Variants in RBFOX1 observed in about 807,000 individuals in gnomAD.
The protein encoded by RBFOX1 is RNA binding fox-1 homolog 1.
RBFOX1 carries 8 observed loss-of-function variants against 57.7 expected under a neutral mutation model. The observed-to-expected ratio is 0.14, with a 90% CI of 0.08 to 0.25. RBFOX1 has a LOEUF of 0.25. Among genes scored for constraint, RBFOX1 ranks in the 10% least tolerant of loss-of-function variants. The probability of loss-of-function intolerance (pLI) is 1.00; values close to 1 mark genes in which losing one functional copy is unlikely to be tolerated. For missense variants in RBFOX1, 611 were observed against 548.5 expected (o/e 1.11, Z -1.14); for synonymous variants, 326 against 222.4 (o/e 1.47, Z -4.15).
chr16:6,774,236 T>C (rs1301042783), intron 3 of RBFOX1, among the ~76,000 whole-genome samples: 1 of 152,130 alleles, frequency 6.6e-6, no homozygotes, highest in Admixed American at 6.5e-5. Context: ...TTGTCTACAT[T>C]TGAAAGGAAG....
chr16:5,437,356 A>G (rs1437336498), intron 1 of RBFOX1, among the ~76,000 whole-genome samples: 8 of 152,170 alleles, frequency 5.3e-5, no homozygotes, highest in Non-Finnish European at 1.2e-4. Context: ...TCTTTTGGGA[A>G]ACAATTTGGT....
chr16:6,322,179 G>T (rs1008536908), intron 2 of RBFOX1, among the ~76,000 whole-genome samples: 1 of 152,084 alleles, frequency 6.6e-6, no homozygotes, highest in Non-Finnish European at 1.5e-5. Flanking sequence ...TCTTACTTAC[G>T]TATCTGGGAA....
chr16:6,866,908 T>A (rs1301984400), intron 3 of RBFOX1, among the ~76,000 whole-genome samples: 2 of 151,904 alleles, frequency 1.3e-5, no homozygotes, highest in Non-Finnish European at 2.9e-5. Flanking sequence ...AGCATCAAGA[T>A]AAGGAAACCA....
chr16:5,252,048 T>G (rs1488922877), intron 1 of RBFOX1, among the ~76,000 whole-genome samples: 1 of 152,160 alleles, frequency 6.6e-6, no homozygotes, highest in African/African-American at 2.4e-5. Context: ...GCTGGGGAAG[T>G]GCAGGTCAGC....
In RBFOX1 at chr16:6,905,314, G is replaced by T. The variant is rs149009926; in HGVS notation, c.-15-146743G>T. ...CATTCCTGTAATCCTAGAACTTTGG[G>T]AGGCAGAGGCAGGTGGATCCCCTGA... is the stretch of plus-strand genomic sequence containing the variant. On this transcript the variant is annotated intron_variant, in intron 3 of 15. Transcript: ENST00000550418. Among the ~76,000 whole-genome samples, 484 of 152,130 alleles carry T rather than the reference G, an allele frequency of 3.2e-3. 4 individuals carry two copies. The highest frequency in any genetic ancestry group is 0.011 in the African/African-American group (459 of 41,496).
chr16:6,743,780 A>G (rs1207850105), intron 3 of RBFOX1, among the ~76,000 whole-genome samples: 2 of 146,800 alleles, frequency 1.4e-5, no homozygotes, highest in East Asian at 3.9e-4. Context: ...GAAGAAAAAT[A>G]AATAAATAAA....
intron 3 of RBFOX1, among the ~76,000 whole-genome samples, chr16:6,929,458 G>A (rs541799976): frequency 6.6e-6 from 1 of 152,234 alleles, no homozygotes; most frequent in African/African-American, 2.4e-5. Flanking sequence ...TCAGAAGCGT[G>A]CTTTTCTGTA....
chr16:7,563,020 C>T (rs963965857), intron 5 of RBFOX1, among the ~76,000 whole-genome samples: 1 of 152,158 alleles, frequency 6.6e-6, no homozygotes, highest in African/African-American at 2.4e-5. Context: ...CTCTAAGCCA[C>T]TGTGCCACAC....
chr16:6,562,990 A>G (rs984226813), intron 2 of RBFOX1, among the ~76,000 whole-genome samples: 16 of 145,382 alleles, frequency 1.1e-4, no homozygotes, highest in Non-Finnish European at 2.2e-4. Context: ...TGTACCTTCC[A>G]TGAAGCTTAC....
At chr16:6,605,263 C>CAT (rs1412685298) in intron 2 of RBFOX1, among the ~76,000 whole-genome samples, 1 of 132,056 alleles carries the variant, frequency 7.6e-6, no homozygotes, top group African/African-American at 3.3e-5. Context: ...ATGAAACCAA[C>CAT]ACATACAATT....
chr16:6,992,068 C>T (rs892564582), intron 3 of RBFOX1, among the ~76,000 whole-genome samples: 3 of 152,106 alleles, frequency 2.0e-5, no homozygotes, highest in Non-Finnish European at 4.4e-5. Flanking sequence ...ATTGGCCTGT[C>T]TTTGCCAGAG....
chr16:5,781,981 G>A (rs767683610), intron 3 of RBFOX1, among the ~76,000 whole-genome samples: 48 of 152,268 alleles, frequency 3.2e-4, no homozygotes, highest in Middle Eastern at 3.4e-3. Flanking sequence ...CGAGGTGGGC[G>A]GATTACTTGA....
At chr16:6,637,632 A>G (rs544441130) in intron 2 of RBFOX1, among the ~76,000 whole-genome samples, 6 of 132,934 alleles carry the variant, frequency 4.5e-5, no homozygotes, top group South Asian at 5.3e-4. Context: ...AAAGGTTGAA[A>G]CTCTAAAGTA....
intron 4 of RBFOX1, among the ~76,000 whole-genome samples, chr16:7,479,887 A>C (rs2063527564): frequency 6.6e-6 from 1 of 152,168 alleles, no homozygotes; most frequent in South Asian, 2.1e-4. Context: ...CTTAAATGTG[A>C]GTTTTTATCG....
intron 3 of RBFOX1, among the ~76,000 whole-genome samples, chr16:5,772,229 A>G (rs1250551230): frequency 6.6e-6 from 1 of 152,214 alleles, no homozygotes; most frequent in Non-Finnish European, 1.5e-5. Context: ...TATGGGGCAG[A>G]GACTCACCGG....
chr16:6,357,814 G>A (rs1401936993), intron 2 of RBFOX1, among the ~76,000 whole-genome samples: 1 of 151,966 alleles, frequency 6.6e-6, no homozygotes, highest in Admixed American at 6.6e-5. Context: ...AGCCGGGCGT[G>A]GTGGTGGGTG....
intron 1 of RBFOX1, among the ~76,000 whole-genome samples, chr16:6,200,943 AGG>A (rs1491435472): frequency 4.3e-5 from 1 of 23,050 alleles, no homozygotes; most frequent in Non-Finnish European, 1.2e-4. Context: ...TAACTTAGTG[AGG>A]TTTTTTTTTT....
chr16:6,858,211 A>T (rs1336362541), intron 3 of RBFOX1, among the ~76,000 whole-genome samples: 1 of 152,198 alleles, frequency 6.6e-6, no homozygotes, highest in Non-Finnish European at 1.5e-5. Flanking sequence ...TGTTGTTGGT[A>T]AACGAAGGTT....
chr16:5,969,298 C>CTTTTTTTTTTTTTT (rs71142659), intron 4 of RBFOX1, among the ~76,000 whole-genome samples: 9 of 83,754 alleles, frequency 1.1e-4, no homozygotes, highest in African/African-American at 1.4e-4. Flanking sequence ...TTCGGTTGTT[C>CTTTTTTTTTTTTTT]TTTTTTTTTT....
Sources: allele counts gnomAD v4.1 joint callset (sites outside exome capture counted in the v4.1 genomes callset), GRCh38; gene constraint gnomAD v4.1.1; transcripts MANE v1.5; gene names NCBI Gene and HGNC (gene_info 2026-07-23, HGNC 2026-07-21).